IGDCC4: variants seen among roughly 807,000 people sequenced by gnomAD.
IGDCC4 encodes likely ortholog of mouse neighbor of Punc E11.
A neutral mutation model predicts 116.6 loss-of-function variants in IGDCC4; 72 were observed. The observed-to-expected ratio is 0.62, with a 90% confidence interval of 0.51 to 0.75. IGDCC4 has a LOEUF of 0.75. IGDCC4 is among the 30% of genes least tolerant of loss of function. The pLI is 0.00. For synonymous variants in IGDCC4, 709 were observed against 719.9 expected, an observed-to-expected ratio of 0.98 and a Z score of 0.24; for missense variants, 1,501 against 1,662.4, an observed-to-expected ratio of 0.90 and a Z score of 1.69.
In IGDCC4 at chr15:65,386,651, G is replaced by A. The variant is rs770463727; in HGVS notation, c.2851C>T (p.Leu951=). The part of the protein sequence containing the change: ...ITLQEKLSDS[L]DMHSVTGIIV... Reference sequence around the variant, plus strand: ...ATGCCCGTGACTGAGTGCATGTCCAGCGAGTCTGGTGGGGGAGAGAGAGGC... The same window carrying A: ...ATGCCCGTGACTGAGTGCATGTCCAACGAGTCTGGTGGGGGAGAGAGAGGC... The change falls in exon 17 of 20, where the codon CTG becomes TTG. Residue 951 remains leucine, a synonymous_variant. Coordinates refer to ENST00000352385, the MANE Select transcript of IGDCC4 (RefSeq NM_020962.3). 2 of 1,610,470 alleles carry A rather than the reference G, an allele frequency of 1.2e-6. No homozygotes were observed. The highest frequency in any genetic ancestry group is 3.4e-5 in the Admixed American group (2 of 59,506).
chr15:65,417,618 C>T (rs1030278818), intron 1 of IGDCC4, among the ~76,000 whole-genome samples: 5 of 152,114 alleles, frequency 3.3e-5, no homozygotes, highest in African/African-American at 7.2e-5. Context: ...CGGGGGGAGA[C>T]GGAGTCTCAC....
chr15:65,413,737 G>C (rs978512190), intron 1 of IGDCC4, among the ~76,000 whole-genome samples: 5 of 152,218 alleles, frequency 3.3e-5, no homozygotes, highest in African/African-American at 1.2e-4. Flanking sequence ...AGGGCCAGAG[G>C]TCAGGACAAT....
At chr15:65,398,692 C>T (rs1035550734) in intron 5 of IGDCC4, among the ~76,000 whole-genome samples, 3 of 151,838 alleles carry the variant, frequency 2.0e-5, no homozygotes, top group Admixed American at 6.6e-5. Context: ...GAGATGGAGA[C>T]CATCCTGGCT....
intron 3 of IGDCC4, among the ~76,000 whole-genome samples, chr15:65,403,192 G>C (rs947109417): frequency 6.6e-6 from 1 of 152,208 alleles, no homozygotes; most frequent in Non-Finnish European, 1.5e-5. Context: ...AAATTTGTTT[G>C]GGTACATTCG....
At chr15:65,401,729 A>G (rs1225471042) in intron 4 of IGDCC4, among the ~76,000 whole-genome samples, 2 of 152,148 alleles carry the variant, frequency 1.3e-5, no homozygotes, top group African/African-American at 4.8e-5. Context: ...TCTTATCTCA[A>G]GGACTCTTCG....
At chr15:65,422,225 CCCCCAGT>C (rs2063199045) in intron 1 of IGDCC4, among the ~76,000 whole-genome samples, 1 of 152,096 alleles carries the variant, frequency 6.6e-6, no homozygotes, top group South Asian at 2.1e-4. Flanking sequence ...ATCACCACCA[CCCCCAGT>C]CAAACGGGAT....
In IGDCC4 at chr15:65,395,077, G is replaced by A. The variant is rs763852898; in HGVS notation, c.1576+17C>T. 1.2e-5 allele frequency: 19 copies of A among 1,588,588 alleles called. No individual in the cohort carries two copies. Among genetic ancestry groups the A allele is most frequent in the South Asian group, 2.2e-5 (2 of 89,584 alleles). ...CTCTTTACCCCAAGCTGCCCACTGC[G>A]AGTTCAGAGGCCCTACCATCATCCA... On this transcript the variant is annotated intron_variant, in intron 8 of 19. Coordinates refer to ENST00000352385, the MANE Select transcript of IGDCC4 (RefSeq NM_020962.3).
At chr15:65,402,642 C>A (rs1490061221) in intron 3 of IGDCC4, among the ~76,000 whole-genome samples, 155 bp from the exon 4 acceptor site, 19 of 151,726 alleles carry the variant, frequency 1.3e-4, no homozygotes, top group Non-Finnish European at 1.5e-5. Flanking sequence ...GCGAGGCGGG[C>A]GAATCACATG....
At position 65,385,122 on chromosome 15, in the gene IGDCC4, G is replaced by T. The variant is rs752225220; in HGVS notation, c.3181-7C>A. 4.7e-5 allele frequency: 74 copies of T among 1,580,928 alleles called. No individual in the cohort carries two copies. The highest frequency in any genetic ancestry group is 6.1e-5 in the Non-Finnish European group (71 of 1,171,396). On this transcript the variant is annotated splice_polypyrimidine_tract_variant and splice_region_variant and intron_variant, in intron 18 of 19. Coordinates refer to ENST00000352385, the MANE Select transcript of IGDCC4 (RefSeq NM_020962.3). ...TTGGTTGAGCCCAGGAGATCTGCAC[G>T]GGGGAAAGAAGGGGACAGTAAGGGG...
Position 65,391,986 on chromosome 15 carries a change from G to C in IGDCC4, c.2123-5C>G. On this transcript the variant is annotated splice_polypyrimidine_tract_variant and splice_region_variant and intron_variant, in intron 11 of 19. Coordinates refer to ENST00000352385, the MANE Select transcript of IGDCC4 (RefSeq NM_020962.3). ...CCTCGTACAGCCGGCCAGGGACTGG[G>C]GAAGGTTACAGGGCTTAATGGCTAG... 6.2e-7 allele frequency: 1 copy of C among 1,606,934 alleles called. No homozygotes were observed. The highest frequency in any genetic ancestry group is 8.5e-7 in the Non-Finnish European group (1 of 1,176,354).
In IGDCC4 at chr15:65,389,397, A is replaced by T; in HGVS notation, c.2423T>A (p.Ile808Asn). Residue 808 changes from isoleucine to asparagine, a missense_variant, in exon 14 of 20, where the codon ATC becomes AAC. Physicochemically the swap from Ile to Asn is moderately radical, Grantham distance 149. Around this residue, in one of 3 missense-constraint regions of IGDCC4, gnomAD observed 235 missense variants for 328.0 expected, o/e 0.72. Coordinates refer to ENST00000352385, the MANE Select transcript of IGDCC4 (RefSeq NM_020962.3). ...VTYYTSSGED[I>N]LIGGLKPFTK... Reference sequence around the variant, plus strand: ...GAATGGCTTCAAGCCGCCAATGAGGATGTCTTCTCCAGAACTGCTAAGGCA... The same window carrying T: ...GAATGGCTTCAAGCCGCCAATGAGGTTGTCTTCTCCAGAACTGCTAAGGCA... 1 of 1,614,162 alleles carries T rather than the reference A, an allele frequency of 6.2e-7. No homozygotes were observed. Among genetic ancestry groups the T allele is most frequent in the South Asian group, 1.1e-5 (1 of 91,082 alleles).
At chr15:65,388,403 G>A in intron 16 of IGDCC4, 46 bp downstream of exon 16, 1 of 1,612,064 alleles carries the variant, frequency 6.2e-7, no homozygotes, top group Non-Finnish European at 8.5e-7. Flanking sequence ...ACAGGCAGGG[G>A]CTTGGAAGTC....
At position 65,388,798 on chromosome 15, in the gene IGDCC4, G is replaced by A. The variant is rs778474498; in HGVS notation, c.2707+10C>T. The A allele has an allele frequency of 2.2e-5, 36 of 1,613,908 alleles. No individual in the cohort carries two copies. Among genetic ancestry groups the A allele is most frequent in the Admixed American group, 1.2e-4 (7 of 60,030 alleles). On this transcript the variant is annotated intron_variant, in intron 15 of 19. Coordinates refer to ENST00000352385, the MANE Select transcript of IGDCC4 (RefSeq NM_020962.3). ...CTCTTGAGCAGATGCCCTGGGGCAG[G>A]AGCCCTCACCCTGCGTGGTGAGCAA... is the stretch of plus-strand genomic sequence containing the variant.
intron 1 of IGDCC4, among the ~76,000 whole-genome samples, chr15:65,422,519 A>AACACACACAC (rs140587709): frequency 0.036 from 4,756 of 131,236 alleles, 143 homozygotes; most frequent in African/African-American, 0.072. Context: ...GAGCACTCCC[A>AACACACACAC]ACACACACAC....
Position 65,395,100 on chromosome 15 carries a change from C to G in IGDCC4, c.1570G>C (p.Asp524His). The change falls in exon 8 of 20, where the codon GAT becomes CAT. Residue 524 changes from aspartate (D) to histidine (H), a missense_variant. By Grantham distance (81) the Asp-to-His change is moderately conservative. Around this residue, in one of 3 missense-constraint regions of IGDCC4, gnomAD observed 898 missense variants for 978.9 expected, o/e 0.92. Coordinates refer to ENST00000352385, the MANE Select transcript of IGDCC4 (RefSeq NM_020962.3). ...GCGAGTTCAGAGGCCCTACCATCATCCAGTGTGTGCACCAGTGCTGGGGTG... is the reference window on the plus strand; with the variant it reads ...GCGAGTTCAGAGGCCCTACCATCATGCAGTGTGTGCACCAGTGCTGGGGTG... The part of the protein sequence containing the change: ...TSTPALVHTL[D>H]DVPSAAPQLS... 1.2e-6 allele frequency: 2 copies of G among 1,606,298 alleles called. No individual in the cohort carries two copies. Among genetic ancestry groups the G allele is most frequent in the Non-Finnish European group, 1.7e-6 (2 of 1,173,884 alleles).
At chr15:65,386,494 C>T in intron 17 of IGDCC4, 57 bp downstream of exon 17, 1 of 1,451,286 alleles carries the variant, frequency 6.9e-7, no homozygotes, top group Non-Finnish European at 9.4e-7. Context: ...ATGGCCCATT[C>T]TGCAGCCCTT....
chr15:65,421,492 G>A (rs955855615), intron 1 of IGDCC4, among the ~76,000 whole-genome samples: 2 of 152,196 alleles, frequency 1.3e-5, no homozygotes, highest in African/African-American at 4.8e-5. Flanking sequence ...GCTGGAAAGG[G>A]GCGTGTCTTT....
At position 65,383,936 on chromosome 15, in the gene IGDCC4, C is replaced by T; in HGVS notation, c.*73G>A. The stretch of plus-strand genomic sequence containing the variant: ...ATGTATCTACAGGCACACATGTGGA[C>T]ATACACGGCCACAGGTATCGCATCC... On this transcript the variant is annotated 3_prime_UTR_variant, in exon 20 of 20. Transcript: ENST00000352385. 3.6e-6 allele frequency: 5 copies of T among 1,371,536 alleles called. No individual in the cohort carries two copies. The highest frequency in any genetic ancestry group is 4.9e-6 in the Non-Finnish European group (5 of 1,020,876). The allele number at this position is 1,371,536 out of a possible 1,614,324, so 85.0% of individuals were successfully genotyped here. A position where few individuals can be genotyped will look rare whatever the true frequency, so the allele number is the denominator to read the frequency against.
chr15:65,395,100 C>T lies in IGDCC4; in HGVS notation c.1570G>A (p.Asp524Asn), dbSNP rs748588767. 1.2e-6 allele frequency: 2 copies of T among 1,606,298 alleles called. No individual in the cohort carries two copies. The highest frequency in any genetic ancestry group is 1.7e-5 in the Admixed American group (1 of 59,840). ...GCGAGTTCAGAGGCCCTACCATCATCCAGTGTGTGCACCAGTGCTGGGGTG... is the reference window on the plus strand; with the variant it reads ...GCGAGTTCAGAGGCCCTACCATCATTCAGTGTGTGCACCAGTGCTGGGGTG... Reference protein sequence around the residue: ...TSTPALVHTLDDVPSAAPQLS... With the variant: ...TSTPALVHTLNDVPSAAPQLS... Residue 524 changes from aspartate to asparagine, a missense_variant, in exon 8 of 20, where the codon GAT becomes AAT. Physicochemically the swap from Asp to Asn is conservative, Grantham distance 23 (BLOSUM62 1). Coordinates refer to ENST00000352385, the MANE Select transcript of IGDCC4 (RefSeq NM_020962.3).
Sources: allele counts gnomAD v4.1 joint callset (sites outside exome capture counted in the v4.1 genomes callset), GRCh38; gene constraint gnomAD v4.1.1; regional missense constraint gnomAD v4.1.1; transcripts MANE v1.5; gene names NCBI Gene and HGNC (gene_info 2026-07-23, HGNC 2026-07-21).